CYP46A1: variants seen among roughly 807,000 people sequenced by gnomAD.
The protein encoded by CYP46A1 is cytochrome P450 family 46 subfamily A member 1.
Under a neutral mutation model 63.3 loss-of-function variants are expected in CYP46A1, and 20 were observed. The observed-to-expected ratio is 0.32, with a 90% CI of 0.22 to 0.46. The LOEUF is 0.46. Ranked by LOEUF, CYP46A1 falls within the 20% of genes least tolerant of loss-of-function variation. The pLI is 1.00. For synonymous variants in CYP46A1, 268 were observed against 273.6 expected (o/e 0.98, Z 0.20); for missense variants, 445 against 670.8 (o/e 0.66, Z 3.72).
chr14:99,691,042 T>C, intron 1 of CYP46A1, 39 bp from the exon 2 acceptor site: 2 of 1,596,950 alleles, frequency 1.3e-6, no homozygotes, highest in Non-Finnish European at 1.7e-6. Flanking sequence ...TTCTTTCCTG[T>C]TGACTGCTGG....
At chr14:99,691,558 A>T in intron 2 of CYP46A1, 4 of 592,496 alleles carry the variant, frequency 6.8e-6, no homozygotes. Flanking sequence ...ACCCTATTCC[A>T]TGGCTGTGGA....
At position 99,725,364 on chromosome 14, in the gene CYP46A1, A is replaced by C; in HGVS notation, c.1177-27A>C. 5.6e-6 allele frequency: 9 copies of C among 1,600,592 alleles called. No homozygotes were observed. Among genetic ancestry groups the C allele is most frequent in the East Asian group, 2.2e-5 (1 of 44,808 alleles). ...GTGCCAGGGGAACAACCTGGGAACC[A>C]GAGATGAGCGGACCCTTTGCCCGCA... On this transcript the variant is annotated intron_variant, in intron 12 of 14. Coordinates refer to ENST00000261835, the MANE Select transcript of CYP46A1 (RefSeq NM_006668.2). The surrounding 1 kb of genome is among the most constrained non-coding windows in gnomAD (Gnocchi z 4.2).
chr14:99,701,274 A>G (rs900828776), intron 5 of CYP46A1, among the ~76,000 whole-genome samples: 1 of 152,208 alleles, frequency 6.6e-6, no homozygotes, highest in African/African-American at 2.4e-5. Flanking sequence ...GTAATGTCCT[A>G]GGCCTTCACA....
chr14:99,707,694 C>A lies in CYP46A1; in HGVS notation c.693+16C>A. 2 of 1,610,444 alleles carry A rather than the reference C, an allele frequency of 1.2e-6. No homozygotes were observed. The highest frequency in any genetic ancestry group is 1.7e-6 in the Non-Finnish European group (2 of 1,176,740). ...TCTGGCAAAGGTACTGCCTCAGCAC[C>A]CCCTCTGGTGACCAGCCACCAGAGC... is the stretch of plus-strand genomic sequence containing the variant. On this transcript the variant is annotated intron_variant, in intron 7 of 14. Transcript: ENST00000261835.
intron 6 of CYP46A1, 120 bp downstream of exon 6, chr14:99,706,905 C>T (rs2056681683): frequency 2.4e-6 from 3 of 1,233,250 alleles, no homozygotes; most frequent in Admixed American, 5.5e-5. Flanking sequence ...CCAGCAATTC[C>T]TCTGTGCTTC....
Position 99,722,730 on chromosome 14 carries a change from G to A in CYP46A1, c.1176+664G>A, listed in dbSNP as rs2056860146. Among the ~76,000 whole-genome samples, 1 of 151,100 alleles carries A rather than the reference G, an allele frequency of 6.6e-6. No individual in the cohort carries two copies. The highest frequency in any genetic ancestry group is 6.6e-5 in the Admixed American group (1 of 15,084). On this transcript the variant is annotated intron_variant, in intron 12 of 14. Transcript: ENST00000261835. This position sits in a 1 kb window ranked among gnomAD's most constrained non-coding sequence, Gnocchi z 4.6. Reference sequence around the variant, plus strand: ...ATTGTAGGACTTGTTTTTTGACTCAGTATAAAGTTGGTAAGATTTGTGTAG... The same window carrying A: ...ATTGTAGGACTTGTTTTTTGACTCAATATAAAGTTGGTAAGATTTGTGTAG...
intron 9 of CYP46A1, among the ~76,000 whole-genome samples, chr14:99,717,107 A>G (rs1018082801): frequency 1.3e-5 from 2 of 152,140 alleles, no homozygotes; most frequent in Non-Finnish European, 1.5e-5. Context: ...TTGCGGAACC[A>G]ATGGCTGGTC....
At chr14:99,700,575 A>G (rs1356544723) in intron 5 of CYP46A1, among the ~76,000 whole-genome samples, 2 of 152,192 alleles carry the variant, frequency 1.3e-5, no homozygotes, top group Non-Finnish European at 2.9e-5. Flanking sequence ...TGCTGTAACC[A>G]TGGTAATGGC....
chr14:99,722,112 C>T lies in CYP46A1; in HGVS notation c.1176+46C>T. On this transcript the variant is annotated intron_variant, in intron 12 of 14. Coordinates refer to ENST00000261835, the MANE Select transcript of CYP46A1 (RefSeq NM_006668.2). This position sits in a 1 kb window ranked among gnomAD's most constrained non-coding sequence, Gnocchi z 4.6. Reference sequence around the variant, plus strand: ...TCCTGGGGTGGGCTGGGCTGCTTGCCCCAATGGTGGTGAATTTGGGACTCA... The same window carrying T: ...TCCTGGGGTGGGCTGGGCTGCTTGCTCCAATGGTGGTGAATTTGGGACTCA... 6.8e-7 allele frequency: 1 copy of T among 1,477,478 alleles called. No individual in the cohort carries two copies. The highest frequency in any genetic ancestry group is 9.4e-7 in the Non-Finnish European group (1 of 1,067,352). 91.5% of individuals were successfully genotyped at this position (1,477,478 alleles called of 1,614,324 possible).
rs1446117379 is a variant in CYP46A1, at chr14:99,710,135, A to G, written c.693+2457A>G. 4.6e-5 allele frequency: 7 copies of G among 152,322 alleles called. No homozygotes were observed. The East Asian group carries it at 9.6e-4, about 21-fold the overall frequency. 9.4% of individuals were successfully genotyped at this position (152,322 alleles called of 1,614,324 possible). On this transcript the variant is annotated intron_variant, in intron 7 of 14. Transcript: ENST00000261835. Reference sequence around the variant, plus strand: ...TCTCTATCATCATGAAAACACATGAAAGTATAAAGCCCACTGATAGGGCAG... The same window carrying G: ...TCTCTATCATCATGAAAACACATGAGAGTATAAAGCCCACTGATAGGGCAG...
At chr14:99,724,740 G>A (rs1468053532) in intron 12 of CYP46A1, among the ~76,000 whole-genome samples, 1 of 152,196 alleles carries the variant, frequency 6.6e-6, no homozygotes, top group East Asian at 1.9e-4. Context: ...ACACTTGCTG[G>A]AGCTCAGCTC....
intron 3 of CYP46A1, among the ~76,000 whole-genome samples, chr14:99,699,263 GC>G (rs1198639520): frequency 9.9e-5 from 15 of 152,040 alleles, no homozygotes; most frequent in Non-Finnish European, 1.5e-4. Flanking sequence ...AAATCACTTC[GC>G]CCCTCTGTGC....
rs1163925103 is a variant in CYP46A1 at position 99,684,483 on chromosome 14, C to T, written c.66C>T (p.Phe22=). 5.4e-6 allele frequency: 8 copies of T among 1,482,224 alleles called. No homozygotes were observed. In the East Asian group the frequency reaches 1.7e-4, roughly 32 times the overall value. 91.8% of individuals were successfully genotyped at this position (1,482,224 alleles called of 1,614,324 possible). A position where few individuals can be genotyped will look rare whatever the true frequency, so the allele number is the denominator to read the frequency against. The change falls in exon 1 of 15, where the codon TTC becomes TTT. Residue 22 remains phenylalanine, a synonymous_variant. Coordinates refer to ENST00000261835, the MANE Select transcript of CYP46A1 (RefSeq NM_006668.2). The part of the protein sequence containing the change: ...VLLAFGLCCT[F]VHRARSRYEH... Reference sequence around the variant, plus strand: ...TCGCCTTCGGCCTCTGCTGCACCTTCGTGCACCGCGCTCGCAGCCGCTACG... The same window carrying T: ...TCGCCTTCGGCCTCTGCTGCACCTTTGTGCACCGCGCTCGCAGCCGCTACG...
chr14:99,695,408 A>T, intron 3 of CYP46A1: 2 of 424,722 alleles, frequency 4.7e-6, no homozygotes, highest in Non-Finnish European at 9.4e-6. Context: ...TCATAATCAT[A>T]GATTTATCTA....
chr14:99,692,000 A>T, intron 3 of CYP46A1, 139 bp downstream of exon 3: 1 of 829,520 alleles, frequency 1.2e-6, no homozygotes, highest in Non-Finnish European at 1.9e-6. Context: ...TCCAGAAAGG[A>T]ATGGCATCTT....
At chr14:99,721,468 C>T in intron 11 of CYP46A1, 145 bp downstream of exon 11, 1 of 649,426 alleles carries the variant, frequency 1.5e-6, no homozygotes, top group Non-Finnish European at 2.8e-6. Flanking sequence ...ATCCTGAGGC[C>T]CAGGCTGCCC....
chr14:99,695,803 G>A lies in CYP46A1; in HGVS notation c.283-3663G>A, dbSNP rs564776800. Among the ~76,000 whole-genome samples the A allele has an allele frequency of 9.2e-5, 14 of 151,866 alleles. No individual in the cohort carries two copies. In the East Asian group the frequency reaches 2.7e-3, roughly 29 times the overall value. On this transcript the variant is annotated intron_variant, in intron 3 of 14. Transcript: ENST00000261835. ...CTGCCACCATACCCAGCTAATTTTT[G>A]TATTTTTAGTAGAGATGGAGTTTCA...
intron 9 of CYP46A1, 50 bp from the exon 10 acceptor site, chr14:99,717,995 AACTGTCTCC>A: frequency 7.1e-7 from 1 of 1,400,100 alleles, no homozygotes; most frequent in South Asian, 1.2e-5. Flanking sequence ...GGCAGGCACA[AACTGTCTCC>A]TTCATCCTGT....
rs1324508785 is a variant in CYP46A1 at position 99,722,524 on chromosome 14, C to T, written c.1176+458C>T. On this transcript the variant is annotated intron_variant, in intron 12 of 14. Transcript: ENST00000261835. This position sits in a 1 kb window ranked among gnomAD's most constrained non-coding sequence, Gnocchi z 4.6. ...TTACTTGTTCATTTATCCATTCATCCAGGCATTTACTCATGTATGATAGCC... is the reference window on the plus strand; with the variant it reads ...TTACTTGTTCATTTATCCATTCATCTAGGCATTTACTCATGTATGATAGCC... Among the ~76,000 whole-genome samples, 2 of 152,154 alleles carry T rather than the reference C, an allele frequency of 1.3e-5. No individual in the cohort carries two copies. The highest frequency in any genetic ancestry group is 3.9e-4 in the East Asian group (2 of 5,180).
Sources: gnomAD v4.1 joint callset for allele counts (sites outside exome capture counted in the v4.1 genomes callset) on GRCh38, gnomAD v4.1.1 for gene constraint, Gnocchi (gnomAD v3.1) non-coding constraint, MANE v1.5 for transcripts, NCBI Gene and HGNC (gene_info 2026-07-23, HGNC 2026-07-21) for gene names.